Variants in RGS21 observed in about 807,000 individuals in gnomAD.
The protein encoded by RGS21 is regulator of G-protein signalling 21.
RGS21 carries 19 observed loss-of-function variants against 18.7 expected under a neutral mutation model. The observed-to-expected ratio is 1.01, with a 90% CI of 0.71 to 1.49. The LOEUF (loss-of-function observed/expected upper bound fraction) is 1.49, where lower values mean the gene tolerates loss of function less well. Among genes scored for constraint, RGS21 ranks in the 40% most tolerant of loss-of-function variants. The pLI is 0.00. For missense variants in RGS21, 194 were observed against 176.8 expected (o/e 1.10, Z -0.55); for synonymous variants, 56 against 57.8 (o/e 0.97, Z 0.14).
At chr1:192,364,884 G>T (rs1372065495) in intron 4 of RGS21, among the ~76,000 whole-genome samples, 1 of 152,034 alleles carries the variant, frequency 6.6e-6, no homozygotes, top group Admixed American at 6.6e-5. Flanking sequence ...TATAATCCCA[G>T]CACTGTGGGA....
chr1:192,346,881 G>A (rs1371525570), intron 2 of RGS21, among the ~76,000 whole-genome samples: 2 of 152,062 alleles, frequency 1.3e-5, no homozygotes, highest in Non-Finnish European at 2.9e-5. Context: ...GAACTCTTTT[G>A]AGATGCATAA....
intron 1 of RGS21, among the ~76,000 whole-genome samples, chr1:192,327,660 A>G (rs1025863464): frequency 6.6e-6 from 1 of 151,914 alleles, no homozygotes; most frequent in Non-Finnish European, 1.5e-5. Context: ...TTTAGTAGAG[A>G]CAGGGTTTCA....
intron 4 of RGS21, among the ~76,000 whole-genome samples, chr1:192,354,924 A>C (rs532105001): frequency 6.6e-6 from 1 of 151,866 alleles, no homozygotes; most frequent in Admixed American, 6.6e-5. Context: ...ATTATCCCTG[A>C]CTATAAATTG....
Position 192,365,958 on chromosome 1 carries a change from A to G in RGS21, c.293A>G (p.Lys98Arg), listed in dbSNP as rs372684939. The G allele has an allele frequency of 6.2e-7, 1 of 1,610,382 alleles. No homozygotes were observed. The highest frequency in any genetic ancestry group is 1.3e-5 in the African/African-American group (1 of 74,890). The change falls in exon 5 of 5, where the codon AAG becomes AGG. Residue 98 changes from lysine to arginine, a missense_variant. Coordinates refer to ENST00000417209, the MANE Select transcript of RGS21 (RefSeq NM_001039152.3). ...TTCGGTACCAGAGACCTCATCTCAA[A>G]GAATATTGCTGAACCAACACTCAAA... is the stretch of plus-strand genomic sequence containing the variant. ...IDFGTRDLIS[K>R]NIAEPTLKCF...
At chr1:192,331,736 G>T (rs998579850) in intron 1 of RGS21, among the ~76,000 whole-genome samples, 2 of 151,720 alleles carry the variant, frequency 1.3e-5, no homozygotes, top group African/African-American at 4.8e-5. Context: ...TCATGAGTTA[G>T]AAAAATAATA....
rs757989657 is a variant in RGS21 at position 192,352,137 on chromosome 1, CG to C, written c.180del (p.Asn62MetfsTer11). 3 of 1,610,788 alleles carry C rather than the reference CG, an allele frequency of 1.9e-6. No homozygotes were observed. The highest frequency in any genetic ancestry group is 1.7e-5 in the Admixed American group (1 of 59,548). On this transcript the variant is annotated frameshift_variant, in exon 4 of 5. Transcript: ENST00000417209. LOFTEE classifies it high-confidence loss of function. ...FWLACEDFKK[T>X]KNADKIASKA... ...CTTGCCTGTGAAGACTTTAAGAAAA[CG>C]AAAAATGCAGACAAAATTGCTTCCA...
intron 3 of RGS21, among the ~76,000 whole-genome samples, chr1:192,351,613 G>A (rs899250107): frequency 6.7e-6 from 1 of 149,648 alleles, no homozygotes; most frequent in Admixed American, 6.7e-5. Context: ...AAAAGTACAG[G>A]TTTTCTTTGT....
chr1:192,362,730 A>G (rs1161573467), intron 4 of RGS21, among the ~76,000 whole-genome samples: 1 of 152,186 alleles, frequency 6.6e-6, no homozygotes. Flanking sequence ...TGACGAGCAT[A>G]AGTCAGAAGT....
chr1:192,342,559 G>C (rs1284643686), intron 1 of RGS21, among the ~76,000 whole-genome samples: 1 of 151,830 alleles, frequency 6.6e-6, no homozygotes, highest in East Asian at 1.9e-4. Context: ...ACTAAAGGTA[G>C]AGCCCTCCTC....
At chr1:192,349,560 A>ATAATAAGTT (rs1408423986) in intron 3 of RGS21, among the ~76,000 whole-genome samples, 1 of 152,144 alleles carries the variant, frequency 6.6e-6, no homozygotes, top group Admixed American at 6.6e-5. Context: ...GTGCCCTCAG[A>ATAATAAGTT]TAATAAGTTT....
intron 2 of RGS21, among the ~76,000 whole-genome samples, chr1:192,345,434 T>A (rs1028383081): frequency 6.6e-6 from 1 of 152,108 alleles, no homozygotes; most frequent in African/African-American, 2.4e-5. Flanking sequence ...TTTACCCTCT[T>A]CCATTGAAGG....
At chr1:192,357,411 A>G (rs948597949) in intron 4 of RGS21, among the ~76,000 whole-genome samples, 8 of 152,016 alleles carry the variant, frequency 5.3e-5, no homozygotes, top group African/African-American at 1.9e-4. Context: ...AAAAGAAGAA[A>G]GGGAGACACA....
intron 4 of RGS21, among the ~76,000 whole-genome samples, chr1:192,362,245 T>C (rs1313248126): frequency 6.6e-6 from 1 of 152,110 alleles, no homozygotes; most frequent in Non-Finnish European, 1.5e-5. Flanking sequence ...TATATTTTGG[T>C]AAAACTGATT....
chr1:192,319,967 C>T (rs1443158920), intron 1 of RGS21, among the ~76,000 whole-genome samples: 1 of 152,002 alleles, frequency 6.6e-6, no homozygotes, highest in Non-Finnish European at 1.5e-5. Flanking sequence ...TGCTGGAAGT[C>T]AGAAGCCTTT....
chr1:192,361,070 G>A (rs755578921), intron 4 of RGS21, among the ~76,000 whole-genome samples: 21 of 151,920 alleles, frequency 1.4e-4, no homozygotes, highest in Admixed American at 2.6e-4. Context: ...TCTCCCCTCC[G>A]CCACCAAAAG....
At chr1:192,362,856 C>T (rs1659204641) in intron 4 of RGS21, among the ~76,000 whole-genome samples, 1 of 151,926 alleles carries the variant, frequency 6.6e-6, no homozygotes, top group Non-Finnish European at 1.5e-5. Context: ...TTTTTCACTG[C>T]TTATACATGT....
intron 2 of RGS21, among the ~76,000 whole-genome samples, chr1:192,343,644 G>T (rs1658906620): frequency 6.6e-6 from 1 of 152,046 alleles, no homozygotes; most frequent in South Asian, 2.1e-4. Context: ...GGCCTTGATG[G>T]CACTTGCTTA....
chr1:192,323,965 T>C (rs1658530829), intron 1 of RGS21, among the ~76,000 whole-genome samples: 1 of 152,076 alleles, frequency 6.6e-6, no homozygotes, highest in African/African-American at 2.4e-5. Flanking sequence ...AACCTGATTG[T>C]TAAAAAACTA....
chr1:192,361,941 A>C (rs1055702658), intron 4 of RGS21, among the ~76,000 whole-genome samples: 1 of 152,196 alleles, frequency 6.6e-6, no homozygotes, highest in Non-Finnish European at 1.5e-5. Context: ...CTCAGAGGAT[A>C]TTCAACTTAA....
Sources: gnomAD v4.1 joint callset for allele counts (sites outside exome capture counted in the v4.1 genomes callset) on GRCh38, gnomAD v4.1.1 for gene constraint, MANE v1.5 for transcripts, NCBI Gene and HGNC (gene_info 2026-07-23, HGNC 2026-07-21) for gene names.